MPRIP: variants seen among roughly 807,000 people sequenced by gnomAD.
The protein encoded by MPRIP is myosin phosphatase Rho interacting protein.
In MPRIP, 59 loss-of-function variants were observed where a neutral mutation model predicts 234.9. The ratio of observed to expected loss-of-function variants is 0.25; its 90% confidence interval spans 0.20 to 0.31. The LOEUF (loss-of-function observed/expected upper bound fraction) is 0.31. Ranked by LOEUF, MPRIP falls within the 10% of genes least tolerant of loss-of-function variation. The pLI is 1.00. For missense variants in MPRIP, 2,436 were observed against 3,071.0 expected, an observed-to-expected ratio of 0.79 and a Z score of 4.89; for synonymous variants, 1,144 against 1,263.9, an observed-to-expected ratio of 0.91 and a Z score of 2.01.
At chr17:17,171,606 C>A in intron 16 of MPRIP, 112 bp from the exon 17 acceptor site, 1 of 1,374,726 alleles carries the variant, frequency 7.3e-7, no homozygotes, top group Non-Finnish European at 9.9e-7. Flanking sequence ...TCAGTGAATG[C>A]CCAGTCACAG....
chr17:17,072,689 G>A lies in MPRIP; in HGVS notation c.124-3021G>A, dbSNP rs150770050. ...GGCTGGGGGAGGCTGCGCAGCCCAC[G>A]TGGCTGGCTGTGAGAGGCAAGAGTG... On this transcript the variant is annotated intron_variant, in intron 1 of 23. Transcript: ENST00000651222. Among the ~76,000 whole-genome samples, 488 of 152,226 alleles carry A rather than the reference G, an allele frequency of 3.2e-3. 3 individuals carry two copies. The highest frequency in any genetic ancestry group is 0.02 in the Middle Eastern group (6 of 294).
At chr17:17,175,263 G>T in intron 19 of MPRIP, 30 bp from the exon 20 acceptor site, 1 of 1,612,476 alleles carries the variant, frequency 6.2e-7, no homozygotes, top group South Asian at 1.1e-5. Flanking sequence ...GGCAGCTCTG[G>T]AGTGTCACTG....
At chr17:17,159,082 G>A (rs891362927) in intron 14 of MPRIP, 80 bp downstream of exon 14, 1 of 1,447,068 alleles carries the variant, frequency 6.9e-7, no homozygotes, top group Admixed American at 2.1e-5. Context: ...GTGGCCTGAG[G>A]GGTTCATCTA....
intron 3 of MPRIP, among the ~76,000 whole-genome samples, chr17:17,105,917 A>G (rs933303078): frequency 6.6e-6 from 1 of 152,218 alleles, no homozygotes; most frequent in Admixed American, 6.5e-5. Flanking sequence ...CTGCCACTCA[A>G]AGGGAGGCAT....
In MPRIP at chr17:17,171,652, A is replaced by C. The variant is rs997307332; in HGVS notation, c.6325-66A>C. The stretch of plus-strand genomic sequence containing the variant: ...ACAGGGTGGGATTCCTGGCTCCTTT[A>C]TTTAAAAGGGCCCCCAACTTAGAGG... On this transcript the variant is annotated intron_variant, in intron 16 of 23. Transcript: ENST00000651222. The C allele has an allele frequency of 1.9e-6, 3 of 1,566,582 alleles. No homozygotes were observed. The African/African-American group carries it at 4.1e-5, about 22-fold the overall frequency.
At chr17:17,162,096 T>TA (rs1462649840) in intron 15 of MPRIP, among the ~76,000 whole-genome samples, 3 of 152,206 alleles carry the variant, frequency 2.0e-5, no homozygotes, top group Admixed American at 2.0e-4. Context: ...GATATATAAA[T>TA]ACTGCAGGAG....
At chr17:17,130,809 A>C (rs145012584) in intron 4 of MPRIP, among the ~76,000 whole-genome samples, 104 of 152,122 alleles carry the variant, frequency 6.8e-4, no homozygotes, top group Middle Eastern at 3.2e-3. Flanking sequence ...ACTGACAGGC[A>C]GCTCTGGCAA....
At chr17:17,157,931 C>G (rs1597477499) in intron 13 of MPRIP, among the ~76,000 whole-genome samples, 2 of 152,232 alleles carry the variant, frequency 1.3e-5, no homozygotes, top group South Asian at 4.1e-4. Context: ...TCACCACTGT[C>G]CAGTCCAGGG....
rs1054825989 is a variant in MPRIP, at chr17:17,167,374, A to G, written c.5783A>G (p.Gln1928Arg). The G allele has an allele frequency of 3.8e-6, 5 of 1,304,184 alleles. No individual in the cohort carries two copies. Among genetic ancestry groups the G allele is most frequent in the Non-Finnish European group, 5.1e-6 (5 of 988,956 alleles). 80.8% of individuals were successfully genotyped at this position (1,304,184 alleles called of 1,614,324 possible). A position where few individuals can be genotyped will look rare whatever the true frequency, so the allele number is the denominator to read the frequency against. The change falls in exon 16 of 24, where the codon CAG becomes CGG. Residue 1928 changes from glutamine (Q) to arginine (R), a missense_variant. By Grantham distance (43) the Gln-to-Arg change is conservative. This residue lies in a region of MPRIP where 1,998 missense variants were observed against 2,520.3 expected (regional missense o/e 0.79). Transcript: ENST00000651222. The surrounding 1 kb of genome is among the most constrained non-coding windows in gnomAD (Gnocchi z 5.9). ...AKAAQLDHQQ[Q>R]CLEDAESKHS... ...GCCGCCCAGCTAGACCATCAGCAGC[A>G]GTGTCTGGAGGATGCAGAGAGCAAG...
chr17:17,167,499 C>G lies in MPRIP; in HGVS notation c.5908C>G (p.Arg1970Gly). 7.7e-7 allele frequency: 1 copy of G among 1,304,146 alleles called. No individual in the cohort carries two copies. The highest frequency in any genetic ancestry group is 1.0e-6 in the Non-Finnish European group (1 of 988,952). 80.8% of individuals were successfully genotyped at this position (1,304,146 alleles called of 1,614,324 possible). ...TRTESTLQAE[R>G]SRVLSQLDAS... is the part of the protein sequence containing the mutation. ...GACCGAGAGCACACTGCAGGCTGAG[C>G]GCAGCCGGGTCCTGAGCCAGCTGGA... Residue 1970 changes from arginine (R) to glycine (G), a missense_variant, in exon 16 of 24, where the codon CGC becomes GGC. Arg to Gly is a moderately radical substitution (Grantham distance 125). Coordinates refer to ENST00000651222, the MANE Select transcript of MPRIP (RefSeq NM_001364716.4). The surrounding 1 kb of genome is among the most constrained non-coding windows in gnomAD (Gnocchi z 5.9).
At chr17:17,149,557 C>T (rs568726052) in intron 11 of MPRIP, among the ~76,000 whole-genome samples, 1 of 151,720 alleles carries the variant, frequency 6.6e-6, no homozygotes, top group African/African-American at 2.4e-5. Context: ...GCTGTCCTTT[C>T]TGAAGACAGA....
At chr17:17,052,990 G>A (rs1303300894) in intron 1 of MPRIP, among the ~76,000 whole-genome samples, 1 of 152,140 alleles carries the variant, frequency 6.6e-6, no homozygotes, top group African/African-American at 2.4e-5. Flanking sequence ...AGCAGCTGCA[G>A]GGAGCCCCAG....
chr17:17,046,741 A>G (rs1432145981), intron 1 of MPRIP, among the ~76,000 whole-genome samples: 3 of 152,174 alleles, frequency 2.0e-5, no homozygotes, highest in African/African-American at 7.2e-5. Context: ...TTTTGGTAAA[A>G]GGCCAAATAG....
chr17:17,055,391 C>T (rs1265305469), intron 1 of MPRIP, among the ~76,000 whole-genome samples: 3 of 152,210 alleles, frequency 2.0e-5, no homozygotes, highest in African/African-American at 2.4e-5. Context: ...GCTGGGGAGC[C>T]GGGTCTAGTC....
intron 1 of MPRIP, among the ~76,000 whole-genome samples, chr17:17,065,094 C>T (rs569012516): frequency 6.6e-6 from 1 of 152,188 alleles, no homozygotes; most frequent in Admixed American, 6.5e-5. Flanking sequence ...AGAAAGTCTT[C>T]TCGTGTCTTT....
rs138932810 is a variant in MPRIP at position 17,052,619 on chromosome 17, G to T, written c.123+9648G>T. 3.3e-3 allele frequency among the ~76,000 whole-genome samples: 503 copies of T among 152,328 alleles called. 3 individuals carry two copies. Among genetic ancestry groups the T allele is most frequent in the African/African-American group, 0.012 (488 of 41,556 alleles). On this transcript the variant is annotated intron_variant, in intron 1 of 23. Transcript: ENST00000651222. ...CCTTTGCTATCAGGAACAGGGCCTT[G>T]CCCCAACTTGGACTCCTTAGTTCTT...
At chr17:17,113,487 A>G (rs934551591) in intron 3 of MPRIP, among the ~76,000 whole-genome samples, 1 of 152,130 alleles carries the variant, frequency 6.6e-6, no homozygotes, top group Non-Finnish European at 1.5e-5. Flanking sequence ...TTTCCTTTTT[A>G]TGGCTGAATT....
At chr17:17,069,311 C>A (rs1052907681) in intron 1 of MPRIP, among the ~76,000 whole-genome samples, 3 of 152,076 alleles carry the variant, frequency 2.0e-5, no homozygotes, top group Admixed American at 1.3e-4. Flanking sequence ...ACCTGCCTGT[C>A]ATCATTATAT....
At chr17:17,181,327 C>T (rs1435683925) in intron 23 of MPRIP, among the ~76,000 whole-genome samples, 1 of 152,104 alleles carries the variant, frequency 6.6e-6, no homozygotes, top group Non-Finnish European at 1.5e-5. Context: ...AGCTTGATCT[C>T]GTTCATCCCG....
Sources: gnomAD v4.1 joint callset for allele counts (sites outside exome capture counted in the v4.1 genomes callset) on GRCh38, gnomAD v4.1.1 for gene constraint, gnomAD v4.1.1 regional missense constraint, Gnocchi (gnomAD v3.1) non-coding constraint, MANE v1.5 for transcripts, NCBI Gene and HGNC (gene_info 2026-07-23, HGNC 2026-07-21) for gene names.